Variants in LRRTM3 observed in about 807,000 individuals in gnomAD.
LRRTM3 encodes the protein leucine rich repeat transmembrane neuronal 3.
Under a neutral mutation model 44.7 loss-of-function variants are expected in LRRTM3, and 24 were observed. The observed-to-expected ratio is 0.54, with a 90% CI of 0.39 to 0.76. The LOEUF (loss-of-function observed/expected upper bound fraction) is 0.76, where lower values mean the gene tolerates loss of function less well. Among genes scored for constraint, LRRTM3 ranks in the 30% least tolerant of loss-of-function variants. The pLI is 0.00. For missense variants in LRRTM3, 587 were observed against 702.2 expected, an observed-to-expected ratio of 0.84 and a Z score of 1.85; for synonymous variants, 277 against 278.7, an observed-to-expected ratio of 0.99 and a Z score of 0.06.
intron 2 of LRRTM3, among the ~76,000 whole-genome samples, chr10:66,963,697 A>G (rs1005167286): frequency 1.3e-5 from 2 of 152,168 alleles, no homozygotes; most frequent in Admixed American, 6.5e-5. Flanking sequence ...TCCAAAATAG[A>G]AGGAGACCAA....
At chr10:67,022,511 G>A (rs1468338183) in intron 2 of LRRTM3, among the ~76,000 whole-genome samples, 1 of 152,114 alleles carries the variant, frequency 6.6e-6, no homozygotes, top group African/African-American at 2.4e-5. Context: ...GATGACAAAG[G>A]AAATGGCAGG....
At chr10:67,003,901 T>A (rs756757116) in intron 2 of LRRTM3, among the ~76,000 whole-genome samples, 1 of 152,182 alleles carries the variant, frequency 6.6e-6, no homozygotes, top group East Asian at 1.9e-4. Flanking sequence ...GAGAATAAAC[T>A]GTGAGACTAT....
chr10:66,946,147 T>C (rs1848263439), intron 2 of LRRTM3, among the ~76,000 whole-genome samples: 1 of 152,150 alleles, frequency 6.6e-6, no homozygotes, highest in African/African-American at 2.4e-5. Context: ...AATCATAATA[T>C]CTGCAAAGTG....
intron 2 of LRRTM3, among the ~76,000 whole-genome samples, chr10:67,011,619 A>T (rs1283394591): frequency 6.6e-6 from 1 of 152,142 alleles, no homozygotes; most frequent in East Asian, 1.9e-4. Flanking sequence ...TTTTAGTAGA[A>T]TTTCACCCTA....
At chr10:67,049,272 G>T (rs1352795741) in intron 2 of LRRTM3, among the ~76,000 whole-genome samples, 1 of 151,970 alleles carries the variant, frequency 6.6e-6, no homozygotes, top group East Asian at 1.9e-4. Context: ...AAGGTAAGAG[G>T]TCTATTATTA....
intron 2 of LRRTM3, among the ~76,000 whole-genome samples, chr10:67,047,339 C>G (rs1854815671): frequency 6.6e-6 from 1 of 152,054 alleles, no homozygotes; most frequent in South Asian, 2.1e-4. Context: ...CCCTGTGCCC[C>G]TAGGAGGAGA....
At chr10:67,052,945 A>G (rs1353905885) in intron 2 of LRRTM3, among the ~76,000 whole-genome samples, 1 of 152,204 alleles carries the variant, frequency 6.6e-6, no homozygotes, top group Non-Finnish European at 1.5e-5. Context: ...AAAGTGCCAA[A>G]CCATTTACCT....
chr10:66,975,055 C>T (rs771815854), intron 2 of LRRTM3, among the ~76,000 whole-genome samples: 2 of 152,102 alleles, frequency 1.3e-5, no homozygotes, highest in African/African-American at 2.4e-5. Context: ...GTATTTTAGA[C>T]TCCATTAAGA....
chr10:66,926,631 A>T, intron 1 of LRRTM3, 44 bp downstream of exon 1: 1 of 1,602,832 alleles, frequency 6.2e-7, no homozygotes, highest in Non-Finnish European at 8.5e-7. Flanking sequence ...AAAACAAAAA[A>T]CAAAAAACCT....
chr10:67,097,000 C>G lies in LRRTM3; in HGVS notation c.1537-587C>G, dbSNP rs181855665. The stretch of plus-strand genomic sequence containing the variant: ...CAGAATGGCTTGTCTAGATAATTCT[C>G]TTCTGCAATGGTTATCGAAGTGTGG... On this transcript the variant is annotated intron_variant, in intron 2 of 2. Transcript: ENST00000361320. Among the ~76,000 whole-genome samples, 22 of 151,974 alleles carry G rather than the reference C, an allele frequency of 1.4e-4. No individual in the cohort carries two copies. In the East Asian group the frequency reaches 4.3e-3, roughly 30 times the overall value.
intron 2 of LRRTM3, among the ~76,000 whole-genome samples, chr10:67,074,944 C>G (rs1856670265): frequency 6.6e-6 from 1 of 152,124 alleles, no homozygotes; most frequent in Admixed American, 6.5e-5. Flanking sequence ...ATGGGTAGCT[C>G]TCTACCTCCC....
intron 2 of LRRTM3, among the ~76,000 whole-genome samples, chr10:67,037,065 A>T (rs1257013686): frequency 6.6e-6 from 1 of 152,106 alleles, no homozygotes; most frequent in Non-Finnish European, 1.5e-5. Flanking sequence ...AAATGGTTGG[A>T]GTGAAGTGAG....
Position 66,927,033 on chromosome 10 carries a change from G to C in LRRTM3, c.117G>C (p.Arg39Ser), listed in dbSNP as rs1847122882. 6.2e-7 allele frequency: 1 copy of C among 1,614,138 alleles called. No homozygotes were observed. The highest frequency in any genetic ancestry group is 1.3e-5 in the African/African-American group (1 of 75,034). Residue 39 changes from arginine (R) to serine (S), a missense_variant, in exon 2 of 3, where the codon AGG becomes AGC. Arg to Ser is a moderately radical substitution (Grantham distance 110). This residue lies in a region of LRRTM3 where 222 missense variants were observed against 323.3 expected (regional missense o/e 0.69). Transcript: ENST00000361320. The surrounding 1 kb of genome is among the most constrained non-coding windows in gnomAD (Gnocchi z 4.7). The part of the protein sequence containing the change: ...SAERGCPKGC[R>S]CEGKMVYCES... The stretch of plus-strand genomic sequence containing the variant: ...AACGAGGATGCCCTAAGGGCTGTAG[G>C]TGTGAAGGCAAAATGGTATATTGTG...
intron 2 of LRRTM3, among the ~76,000 whole-genome samples, chr10:66,988,620 A>G (rs1850863387): frequency 6.6e-6 from 1 of 152,148 alleles, no homozygotes; most frequent in African/African-American, 2.4e-5. Context: ...TTTGTTTGAT[A>G]CACTATGTTA....
chr10:66,933,119 T>C (rs1438658461), intron 2 of LRRTM3, among the ~76,000 whole-genome samples: 1 of 152,200 alleles, frequency 6.6e-6, no homozygotes, highest in Non-Finnish European at 1.5e-5. Context: ...CTTAGTGAGA[T>C]ACTGAGTGGG....
At chr10:66,933,343 C>T (rs148844566) in intron 2 of LRRTM3, among the ~76,000 whole-genome samples, 7 of 152,256 alleles carry the variant, frequency 4.6e-5, no homozygotes, top group East Asian at 1.9e-4. Flanking sequence ...CACCGACCAG[C>T]GAACACTAAA....
chr10:67,065,448 A>G (rs1177400984), intron 2 of LRRTM3, among the ~76,000 whole-genome samples: 1 of 152,184 alleles, frequency 6.6e-6, no homozygotes, highest in Non-Finnish European at 1.5e-5. Flanking sequence ...ATCTTGTGAC[A>G]GAGAAAATAA....
intron 2 of LRRTM3, among the ~76,000 whole-genome samples, chr10:67,005,221 G>C (rs1456304780): frequency 6.6e-6 from 1 of 151,994 alleles, no homozygotes; most frequent in Admixed American, 6.6e-5. Context: ...CCAGACAATG[G>C]TGCTGTTCAA....
chr10:66,942,548 G>GTCTCTCTCTCTC (rs67598003), intron 2 of LRRTM3, among the ~76,000 whole-genome samples: 112 of 148,126 alleles, frequency 7.6e-4, no homozygotes, highest in African/African-American at 2.2e-3. Flanking sequence ...TTGCCATAAT[G>GTCTCTCTCTCTC]TCTCTCTCTC....
Sources: gnomAD v4.1 joint callset for allele counts (sites outside exome capture counted in the v4.1 genomes callset) on GRCh38, gnomAD v4.1.1 for gene constraint, gnomAD v4.1.1 regional missense constraint, Gnocchi (gnomAD v3.1) non-coding constraint, MANE v1.5 for transcripts, NCBI Gene and HGNC (gene_info 2026-07-23, HGNC 2026-07-21) for gene names.